Variants in COL24A1 observed in about 807,000 individuals in gnomAD.
COL24A1 encodes the protein collagen alpha-1(XXIV) chain.
A neutral mutation model predicts 253.9 loss-of-function variants in COL24A1; 224 were observed. That is an observed-to-expected ratio of 0.88 (90% confidence interval 0.79 to 0.99). The LOEUF is 0.99. Ranked by LOEUF, COL24A1 falls within the 50% of genes least tolerant of loss-of-function variation. The probability of loss-of-function intolerance (pLI) is 0.00; values close to 1 mark genes in which losing one functional copy is unlikely to be tolerated. For missense variants in COL24A1, 2,131 were observed against 2,068.5 expected, an observed-to-expected ratio of 1.03 and a Z score of -0.59; for synonymous variants, 685 against 673.7, an observed-to-expected ratio of 1.02 and a Z score of -0.26.
At chr1:85,979,712 A>G (rs1693055466) in intron 20 of COL24A1, among the ~76,000 whole-genome samples, 2 of 152,038 alleles carry the variant, frequency 1.3e-5, no homozygotes, top group Admixed American at 1.3e-4. Flanking sequence ...AAAAAAAAAA[A>G]AAGTCCAGGA....
At chr1:85,744,221 G>A (rs10873719) in intron 57 of COL24A1, among the ~76,000 whole-genome samples, 135,404 of 151,958 alleles carry the variant, frequency 0.89, 61,079 homozygotes, top group Non-Finnish European at 0.97. Flanking sequence ...ATGACAAACC[G>A]CTCCCATCTT....
chr1:85,989,574 GA>G (rs1373422153), intron 19 of COL24A1, among the ~76,000 whole-genome samples: 2 of 151,886 alleles, frequency 1.3e-5, no homozygotes, highest in Non-Finnish European at 2.9e-5. Context: ...TCATTCTATG[GA>G]ATCTGAGCAT....
At chr1:85,742,141 TTTTTTC>T (rs1557953691) in intron 57 of COL24A1, among the ~76,000 whole-genome samples, 2 of 150,288 alleles carry the variant, frequency 1.3e-5, no homozygotes, top group East Asian at 1.9e-4. Context: ...TTTTTTCTTT[TTTTTTC>T]TTTTGAGACA....
rs190987685 is a variant in COL24A1, at chr1:85,937,918, A to T, written c.2562+23331T>A. On this transcript the variant is annotated intron_variant, in intron 24 of 59. Transcript: ENST00000370571. ...GCTTAAAAAGTGTCTAATTTACCAT[A>T]TGGGATCCCCAAAATATTATGTCAG... 3.0e-4 allele frequency among the ~76,000 whole-genome samples: 44 copies of T among 147,692 alleles called. 4 individuals are homozygous for T. The highest frequency in any genetic ancestry group is 4.9e-4 in the Non-Finnish European group (33 of 66,702).
intron 3 of COL24A1, among the ~76,000 whole-genome samples, chr1:86,122,826 T>G (rs1163715744): frequency 6.6e-6 from 1 of 152,038 alleles, no homozygotes; most frequent in Non-Finnish European, 1.5e-5. Context: ...CTTCGTATCC[T>G]GGACACTGTT....
At chr1:85,917,349 T>C (rs576459309) in intron 24 of COL24A1, among the ~76,000 whole-genome samples, 18 of 152,322 alleles carry the variant, frequency 1.2e-4, no homozygotes, top group African/African-American at 4.3e-4. Context: ...TTTGAATTTC[T>C]CTGATAACTA....
chr1:86,059,501 T>G (rs1700918023), intron 8 of COL24A1, among the ~76,000 whole-genome samples: 1 of 152,092 alleles, frequency 6.6e-6, no homozygotes, highest in Non-Finnish European at 1.5e-5. Flanking sequence ...ACCAGTAGAT[T>G]GAATTCTTTC....
At chr1:86,148,577 C>T (rs188440886) in intron 1 of COL24A1, among the ~76,000 whole-genome samples, 2,884 of 151,534 alleles carry the variant, frequency 0.019, 37 homozygotes, top group Non-Finnish European at 0.032. Flanking sequence ...TCAATTCCCA[C>T]CTATGAGTGA....
intron 19 of COL24A1, among the ~76,000 whole-genome samples, chr1:86,004,032 T>A (rs1430554533): frequency 6.6e-6 from 1 of 152,134 alleles, no homozygotes; most frequent in Non-Finnish European, 1.5e-5. Context: ...GAGACAGAAG[T>A]TATGTATGAG....
intron 24 of COL24A1, among the ~76,000 whole-genome samples, chr1:85,913,831 T>C (rs4486475): frequency 0.44 from 66,171 of 152,050 alleles, 15,665 homozygotes; most frequent in East Asian, 0.75. Context: ...GTGACCCAAA[T>C]TCTTCCGGAA....
intron 53 of COL24A1, among the ~76,000 whole-genome samples, chr1:85,770,518 TA>T (rs150301307): frequency 4.1e-5 from 6 of 147,264 alleles, no homozygotes; most frequent in Admixed American, 6.8e-5. Context: ...TCTCTTGCAA[TA>T]AAAAAAAAAC....
chr1:86,068,973 T>C (rs547155828), intron 7 of COL24A1, among the ~76,000 whole-genome samples: 201 of 152,118 alleles, frequency 1.3e-3, no homozygotes, highest in Non-Finnish European at 2.3e-3. Flanking sequence ...CCACCAATGA[T>C]ACCCAGTGAG....
At chr1:85,801,074 GA>G (rs754616934) in intron 47 of COL24A1, among the ~76,000 whole-genome samples, 1 of 152,054 alleles carries the variant, frequency 6.6e-6, no homozygotes, top group Non-Finnish European at 1.5e-5. Context: ...TCTCCTTTTT[GA>G]AATATTCTTT....
intron 24 of COL24A1, among the ~76,000 whole-genome samples, chr1:85,927,557 G>C: frequency 8.0e-6 from 1 of 124,630 alleles, no homozygotes; most frequent in African/African-American, 3.1e-5. Flanking sequence ...CAGCCAGGAA[G>C]CTCGAACTGG....
chr1:85,911,784 A>T (rs1446837466), intron 24 of COL24A1, among the ~76,000 whole-genome samples: 1 of 152,076 alleles, frequency 6.6e-6, no homozygotes, highest in Non-Finnish European at 1.5e-5. Context: ...CGTTTAAGAA[A>T]TCATTTCTGT....
intron 19 of COL24A1, among the ~76,000 whole-genome samples, chr1:85,997,039 A>ATGTGTGTGTGTG (rs1491173763): frequency 4.3e-4 from 21 of 48,426 alleles, no homozygotes; most frequent in Middle Eastern, 8.3e-3. Flanking sequence ...ATATATATAT[A>ATGTGTGTGTGTG]TATGTGTGTG....
intron 31 of COL24A1, among the ~76,000 whole-genome samples, chr1:85,890,623 A>G (rs1401747210): frequency 2.0e-5 from 3 of 151,972 alleles, no homozygotes; most frequent in African/African-American, 7.2e-5. Context: ...GGAGTTCTTT[A>G]TATCTACCCC....
intron 21 of COL24A1, among the ~76,000 whole-genome samples, chr1:85,970,713 A>G (rs2100764289): frequency 6.6e-6 from 1 of 152,320 alleles, no homozygotes; most frequent in African/African-American, 2.4e-5. Flanking sequence ...ATTTTGCTCA[A>G]TTCACAATTC....
intron 35 of COL24A1, among the ~76,000 whole-genome samples, chr1:85,872,611 G>T (rs1680654058): frequency 1.3e-5 from 2 of 152,196 alleles, no homozygotes; most frequent in Admixed American, 6.5e-5. Flanking sequence ...TTAGTAAATG[G>T]TGTTAAGAAA....
Sources: gnomAD v4.1 joint callset for allele counts (sites outside exome capture counted in the v4.1 genomes callset) on GRCh38, gnomAD v4.1.1 for gene constraint, MANE v1.5 for transcripts, NCBI Gene and HGNC (gene_info 2026-07-23, HGNC 2026-07-21) for gene names.